Variants in PTCD2 observed in about 807,000 individuals in gnomAD.
PTCD2 encodes pentatricopeptide repeat-containing protein 2, mitochondrial.
PTCD2 carries 31 observed loss-of-function variants against 42.6 expected under a neutral mutation model. That is an observed-to-expected ratio of 0.73 (90% CI 0.55 to 0.98). The LOEUF is 0.98. PTCD2 is among the 50% of genes least tolerant of loss of function. The probability of loss-of-function intolerance (pLI) is 0.00; values close to 1 mark genes in which losing one functional copy is unlikely to be tolerated. For synonymous variants in PTCD2, 183 were observed against 170.9 expected (o/e 1.07, Z -0.55); for missense variants, 476 against 454.8 (o/e 1.05, Z -0.42).
At chr5:72,333,898 A>G (rs1256880016) in intron 4 of PTCD2, among the ~76,000 whole-genome samples, 6 of 152,170 alleles carry the variant, frequency 3.9e-5, no homozygotes, top group Admixed American at 3.9e-4. Flanking sequence ...CCGTCACCTA[A>G]GCGGGAATAC....
rs1488590300 is a variant in PTCD2 at position 72,361,654 on chromosome 5, G to A, written c.*3227G>A. ...TCTGTGAAACTGTAGTAGATAGTCT[G>A]TTTTCTCCCCTGTTTAAAACCTCCT... On this transcript the variant is annotated 3_prime_UTR_variant, in exon 10 of 10. Transcript: ENST00000380639. 6.6e-6 allele frequency: 1 copy of A among 152,204 alleles called. No individual in the cohort carries two copies. The highest frequency in any genetic ancestry group is 1.5e-5 in the Non-Finnish European group (1 of 68,052). The allele number at this position is 152,204 out of a possible 1,614,324, so 9.4% of individuals were successfully genotyped here. A position where few individuals can be genotyped will look rare whatever the true frequency, so the allele number is the denominator to read the frequency against.
At chr5:72,328,587 C>G (rs1318642660) in intron 3 of PTCD2, among the ~76,000 whole-genome samples, 1 of 151,934 alleles carries the variant, frequency 6.6e-6, no homozygotes, top group Non-Finnish European at 1.5e-5. Flanking sequence ...GCCTGTTGCT[C>G]CCATCTAAGA....
chr5:72,355,079 G>A (rs916957764), intron 9 of PTCD2, among the ~76,000 whole-genome samples: 1 of 152,112 alleles, frequency 6.6e-6, no homozygotes, highest in Admixed American at 6.5e-5. Context: ...CAAAACTTAA[G>A]TGGTTATGTT....
intron 7 of PTCD2, among the ~76,000 whole-genome samples, 154 bp from the exon 8 acceptor site, chr5:72,342,808 G>A (rs1242936161): frequency 6.6e-6 from 1 of 152,188 alleles, no homozygotes; most frequent in Non-Finnish European, 1.5e-5. Flanking sequence ...GAATTTTATG[G>A]AATGTTTAGT....
At chr5:72,356,218 T>G (rs778323338) in intron 9 of PTCD2, among the ~76,000 whole-genome samples, 36 of 152,268 alleles carry the variant, frequency 2.4e-4, no homozygotes, top group Non-Finnish European at 4.7e-4. Flanking sequence ...CTCAGCAGCA[T>G]TGTTGTTAAC....
chr5:72,340,969 GTTT>G (rs11297261), intron 7 of PTCD2, among the ~76,000 whole-genome samples: 3 of 127,204 alleles, frequency 2.4e-5, no homozygotes, highest in African/African-American at 3.2e-5. Flanking sequence ...TTTCTTTTCT[GTTT>G]TTTTTTTTTT....
intron 4 of PTCD2, among the ~76,000 whole-genome samples, chr5:72,334,305 A>G (rs909656344): frequency 1.2e-4 from 19 of 152,240 alleles, no homozygotes; most frequent in African/African-American, 9.6e-5. Context: ...AAAAAAGACC[A>G]TAGTTGTGTG....
At chr5:72,320,891 C>G (rs1282197777) in intron 1 of PTCD2, 1 of 193,738 alleles carries the variant, frequency 5.2e-6, no homozygotes, top group Admixed American at 5.5e-5. Flanking sequence ...CTGCAGCCTC[C>G]GCCTCCCGGG....
intron 4 of PTCD2, among the ~76,000 whole-genome samples, chr5:72,332,789 AG>A (rs1386527335): frequency 6.6e-6 from 1 of 152,190 alleles, no homozygotes; most frequent in East Asian, 1.9e-4. Context: ...ACAACCCTGT[AG>A]TGTTGCCAGC....
chr5:72,354,460 G>T (rs1243048903), intron 9 of PTCD2, among the ~76,000 whole-genome samples: 2 of 150,604 alleles, frequency 1.3e-5, no homozygotes, highest in Non-Finnish European at 2.9e-5. Flanking sequence ...AGAAAAATGG[G>T]TAAGAGATGT....
At chr5:72,340,840 C>T (rs1469894494) in intron 7 of PTCD2, among the ~76,000 whole-genome samples, 2 of 151,720 alleles carry the variant, frequency 1.3e-5, no homozygotes, top group South Asian at 2.1e-4. Flanking sequence ...AGAAATCTAA[C>T]GCCTGCCTGA....
chr5:72,347,798 C>T (rs1050264042), intron 8 of PTCD2, among the ~76,000 whole-genome samples: 2 of 152,028 alleles, frequency 1.3e-5, no homozygotes, highest in African/African-American at 2.4e-5. Flanking sequence ...GCTGTCCATT[C>T]CCAATAAGAG....
chr5:72,330,801 G>A (rs1751400746), intron 3 of PTCD2, among the ~76,000 whole-genome samples: 1 of 152,142 alleles, frequency 6.6e-6, no homozygotes, highest in African/African-American at 2.4e-5. Flanking sequence ...AATTGTAAAT[G>A]TGACTGTTGG....
chr5:72,355,814 G>C (rs1752850570), intron 9 of PTCD2, among the ~76,000 whole-genome samples: 1 of 152,156 alleles, frequency 6.6e-6, no homozygotes, highest in Admixed American at 6.5e-5. Flanking sequence ...CAACCAAGTG[G>C]CCTGTTGGTT....
Position 72,361,082 on chromosome 5 carries a change from T to C in PTCD2, c.*2655T>C, listed in dbSNP as rs1196625246. ...GTAGATTGTTTTTACTTACTGTAGA[T>C]ATCTGTTGCTCCAGAGTCCCAGAAA... is the stretch of plus-strand genomic sequence containing the variant. On this transcript the variant is annotated 3_prime_UTR_variant, in exon 10 of 10. Transcript: ENST00000380639. 1 of 152,228 alleles carries C rather than the reference T, an allele frequency of 6.6e-6. No individual in the cohort carries two copies. Among genetic ancestry groups the C allele is most frequent in the Non-Finnish European group, 1.5e-5 (1 of 68,040 alleles). 9.4% of individuals were successfully genotyped at this position (152,228 alleles called of 1,614,324 possible).
chr5:72,358,273 C>T lies in PTCD2; in HGVS notation c.1013C>T (p.Thr338Ile). ...LVAKFDEIYG[T>I]LHITGQVTTD... is the part of the protein sequence containing the mutation. The stretch of plus-strand genomic sequence containing the variant: ...GCCAAATTTGATGAGATCTATGGGA[C>T]ACTGCACATCACTGGCCAGGTCACC... Residue 338 changes from threonine (T) to isoleucine (I), a missense_variant, in exon 10 of 10, where the codon ACA becomes ATA. Thr to Ile is a moderately conservative substitution (Grantham distance 89, BLOSUM62 -1). Transcript: ENST00000380639. The T allele has an allele frequency of 3.1e-6, 5 of 1,614,080 alleles. No homozygotes were observed. The highest frequency in any genetic ancestry group is 3.4e-6 in the Non-Finnish European group (4 of 1,179,990).
chr5:72,342,286 GT>G (rs1244795662), intron 7 of PTCD2, among the ~76,000 whole-genome samples: 1 of 152,094 alleles, frequency 6.6e-6, no homozygotes, highest in Non-Finnish European at 1.5e-5. Flanking sequence ...CACTGAGGTG[GT>G]TTTTGGTACG....
rs1292936508 is a variant in PTCD2 at position 72,368,346 on chromosome 5, T to C, written c.*9919T>C. 3 of 152,246 alleles carry C rather than the reference T, an allele frequency of 2.0e-5. No individual in the cohort carries two copies. Among genetic ancestry groups the C allele is most frequent in the Admixed American group, 2.0e-4 (3 of 15,288 alleles). 9.4% of individuals were successfully genotyped at this position (152,246 alleles called of 1,614,324 possible). On this transcript the variant is annotated 3_prime_UTR_variant, in exon 10 of 10. Coordinates refer to ENST00000380639, the MANE Select transcript of PTCD2 (RefSeq NM_024754.5). ...CAAGCAAGCTGGACTAAATGGGCCA[T>C]GTGCAATTTTGCTGTCTGTTCACAT... is the stretch of plus-strand genomic sequence containing the variant.
intron 9 of PTCD2, among the ~76,000 whole-genome samples, chr5:72,355,391 A>G (rs1270537918): frequency 1.3e-5 from 2 of 152,212 alleles, no homozygotes; most frequent in Non-Finnish European, 2.9e-5. Context: ...TTATTATTTG[A>G]CAATTAAAGT....
Sources: gnomAD v4.1 joint callset for allele counts (sites outside exome capture counted in the v4.1 genomes callset) on GRCh38, gnomAD v4.1.1 for gene constraint, MANE v1.5 for transcripts, NCBI Gene and HGNC (gene_info 2026-07-23, HGNC 2026-07-21) for gene names.